Variants in RIMS2 observed in about 807,000 individuals in gnomAD.
RIMS2 encodes regulating synaptic membrane exocytosis 2.
A neutral mutation model predicts 174.4 loss-of-function variants in RIMS2; 59 were observed. That is an observed-to-expected ratio of 0.34 (90% CI 0.27 to 0.42). RIMS2 has a LOEUF of 0.42. RIMS2 is among the 10% of genes least tolerant of loss of function. RIMS2 has a pLI of 1.00. For missense variants in RIMS2, 1,620 were observed against 1,666.3 expected (o/e 0.97, Z 0.48); for synonymous variants, 606 against 572.5 (o/e 1.06, Z -0.84).
At chr8:103,860,246 T>C (rs1414773910) in intron 3 of RIMS2, among the ~76,000 whole-genome samples, 2 of 152,122 alleles carry the variant, frequency 1.3e-5, no homozygotes, top group East Asian at 3.8e-4. Flanking sequence ...GTTTTGAGAG[T>C]GCAGGTTCTA....
At chr8:104,114,616 T>C (rs1289709621) in intron 19 of RIMS2, among the ~76,000 whole-genome samples, 1 of 152,000 alleles carries the variant, frequency 6.6e-6, no homozygotes, top group Admixed American at 6.5e-5. Context: ...AATTTGTTCG[T>C]AAATGTTAAT....
chr8:103,656,668 A>G (rs2096535488), intron 1 of RIMS2, among the ~76,000 whole-genome samples: 1 of 152,224 alleles, frequency 6.6e-6, no homozygotes, highest in Non-Finnish European at 1.5e-5. Flanking sequence ...ACTGAAAACC[A>G]ACAACTTTTC....
chr8:104,165,457 G>A (rs1305496420), intron 19 of RIMS2, among the ~76,000 whole-genome samples: 1 of 151,464 alleles, frequency 6.6e-6, no homozygotes, highest in African/African-American at 2.4e-5. Flanking sequence ...GGGAAAAATT[G>A]TAAAATGTCA....
At chr8:104,102,640 G>A (rs1471011491) in intron 19 of RIMS2, among the ~76,000 whole-genome samples, 2 of 152,170 alleles carry the variant, frequency 1.3e-5, no homozygotes, top group East Asian at 1.9e-4. Context: ...TGCCTGGGGA[G>A]GCCTCACAAT....
intron 2 of RIMS2, among the ~76,000 whole-genome samples, chr8:103,763,396 G>A (rs77410537): frequency 0.16 from 23,583 of 150,788 alleles, 1,941 homozygotes; most frequent in Middle Eastern, 0.25. Flanking sequence ...ATATTGTGCC[G>A]CTGAACTCCA....
At chr8:104,091,384 T>C (rs2097653925) in intron 19 of RIMS2, among the ~76,000 whole-genome samples, 1 of 151,684 alleles carries the variant, frequency 6.6e-6, no homozygotes. Context: ...CTACTTTTCT[T>C]TTTTATTATA....
intron 1 of RIMS2, among the ~76,000 whole-genome samples, chr8:103,626,481 T>C (rs1036720933): frequency 1.4e-4 from 22 of 152,224 alleles, no homozygotes; most frequent in African/African-American, 5.3e-4. Context: ...ATTATTACAA[T>C]AATGTAATGT....
At chr8:103,534,533 A>G (rs540399723) in intron 1 of RIMS2, among the ~76,000 whole-genome samples, 3 of 152,364 alleles carry the variant, frequency 2.0e-5, no homozygotes, top group South Asian at 2.1e-4. Flanking sequence ...ATCATCAATT[A>G]AAAACATTCT....
Position 103,834,340 on chromosome 8 carries a change from T to TC in RIMS2, c.699-50958_699-50957insC, listed in dbSNP as rs1247635044. Reference sequence around the variant, plus strand: ...TTTTCTTTTTTCTTTTTCTTTTTTTTTTTTTTTTTTTAAGAAATGGGAGTC... The same window carrying TC: ...TTTTCTTTTTTCTTTTTCTTTTTTTTCTTTTTTTTTTTAAGAAATGGGAGTC... On this transcript the variant is annotated intron_variant, in intron 3 of 23. Coordinates refer to ENST00000504942, the Ensembl canonical transcript of RIMS2. Among the ~76,000 whole-genome samples the TC allele has an allele frequency of 2.0e-5, 3 of 149,106 alleles. No homozygotes were observed. The East Asian group carries it at 5.8e-4, about 29-fold the overall frequency.
At chr8:103,517,792 C>T (rs966889535) in intron 1 of RIMS2, among the ~76,000 whole-genome samples, 3 of 152,052 alleles carry the variant, frequency 2.0e-5, no homozygotes, top group African/African-American at 7.2e-5. Context: ...ACAGTGCTTT[C>T]AGTCTCTGTG....
chr8:103,509,391 A>G (rs1825370365), intron 1 of RIMS2, among the ~76,000 whole-genome samples: 1 of 152,054 alleles, frequency 6.6e-6, no homozygotes, highest in Admixed American at 6.6e-5. Flanking sequence ...TTCTTTGTGT[A>G]TTTTAAACTA....
intron 3 of RIMS2, among the ~76,000 whole-genome samples, chr8:103,785,443 C>T (rs1274439211): frequency 7.2e-5 from 11 of 151,970 alleles, no homozygotes; most frequent in Non-Finnish European, 1.3e-4. Flanking sequence ...AGATACATCC[C>T]ATCAATACCT....
At chr8:103,538,782 C>T (rs374930940) in intron 1 of RIMS2, among the ~76,000 whole-genome samples, 1 of 152,220 alleles carries the variant, frequency 6.6e-6, no homozygotes, top group African/African-American at 2.4e-5. Flanking sequence ...GCTGGGATTA[C>T]AGGCATGAGC....
chr8:104,125,834 G>A (rs1010946788), intron 19 of RIMS2, among the ~76,000 whole-genome samples: 2 of 152,120 alleles, frequency 1.3e-5, no homozygotes, highest in Admixed American at 6.6e-5. Flanking sequence ...AAAACTGCAA[G>A]CTAAATCTAA....
intron 4 of RIMS2, among the ~76,000 whole-genome samples, chr8:103,909,056 G>C (rs772626857): frequency 2.6e-5 from 4 of 151,966 alleles, no homozygotes; most frequent in Non-Finnish European, 5.9e-5. Flanking sequence ...AACATTACTT[G>C]AGGGGTGTTT....
chr8:103,622,222 A>T (rs2095651798), intron 1 of RIMS2, among the ~76,000 whole-genome samples: 2 of 152,166 alleles, frequency 1.3e-5, no homozygotes, highest in Non-Finnish European at 2.9e-5. Flanking sequence ...AGAGCAACAC[A>T]TAGAAGGGTA....
chr8:103,896,436 A>G lies in RIMS2; in HGVS notation c.1624+10213A>G, dbSNP rs115921099. On this transcript the variant is annotated intron_variant, in intron 4 of 23. Transcript: ENST00000504942. ...AAGGTAACATATATCTGTTGTTATTATCTGAAGCTCTAGAAGTTTTTCTCA... is the reference window on the plus strand; with the variant it reads ...AAGGTAACATATATCTGTTGTTATTGTCTGAAGCTCTAGAAGTTTTTCTCA... Among the ~76,000 whole-genome samples, 144 of 151,806 alleles carry G rather than the reference A, an allele frequency of 9.5e-4. 2 individuals are homozygous for G. Among genetic ancestry groups the G allele is most frequent in the African/African-American group, 3.0e-3 (123 of 41,190 alleles).
chr8:103,770,571 T>C (rs1339619232), intron 3 of RIMS2, among the ~76,000 whole-genome samples: 1 of 151,980 alleles, frequency 6.6e-6, no homozygotes, highest in Non-Finnish European at 1.5e-5. Context: ...AGCGAAACTC[T>C]GTCTCAAAAA....
At chr8:103,811,749 G>T (rs529599521) in intron 3 of RIMS2, among the ~76,000 whole-genome samples, 1 of 152,292 alleles carries the variant, frequency 6.6e-6, no homozygotes, top group South Asian at 2.1e-4. Flanking sequence ...CCCAGCTGTT[G>T]CGAGGTTTTA....
Sources: allele counts gnomAD v4.1 joint callset (sites outside exome capture counted in the v4.1 genomes callset), GRCh38; gene constraint gnomAD v4.1.1; transcripts MANE v1.5; gene names NCBI Gene and HGNC (gene_info 2026-07-23, HGNC 2026-07-21).